SIRT1: variants seen among roughly 807,000 people sequenced by gnomAD.
The protein encoded by SIRT1 is sirtuin 1, also known as NAD-dependent protein deacetylase sirtuin-1.
Under a neutral mutation model 67.9 loss-of-function variants are expected in SIRT1, and 24 were observed. The ratio of observed to expected loss-of-function variants is 0.35; its 90% CI spans 0.26 to 0.50. SIRT1 has a LOEUF of 0.50. Among genes scored for constraint, SIRT1 ranks in the 20% least tolerant of loss-of-function variants. The pLI, the probability that SIRT1 is intolerant of heterozygous loss-of-function variation, is 0.98. For missense variants in SIRT1, 873 were observed against 937.2 expected (o/e 0.93, Z 0.89); for synonymous variants, 378 against 350.7 (o/e 1.08, Z -0.87).
intron 4 of SIRT1, among the ~76,000 whole-genome samples, chr10:67,893,412 C>T (rs962648095): frequency 6.6e-6 from 1 of 151,980 alleles, no homozygotes; most frequent in Admixed American, 6.6e-5. Context: ...GTTTTCTGTT[C>T]TTGTGTTAGT....
intron 4 of SIRT1, among the ~76,000 whole-genome samples, chr10:67,898,298 C>A (rs987017634): frequency 1.3e-5 from 2 of 150,636 alleles, no homozygotes; most frequent in Non-Finnish European, 3.0e-5. Flanking sequence ...AGAAAAGGGA[C>A]TATACTATGT....
Position 67,885,231 on chromosome 10 carries a change from G to T in SIRT1, c.430+80G>T, listed in dbSNP as rs908002575. ...CTCCTACTGGCCTGAGGTTGAGGGCGGCTGGGGGCTCGGGGCAGGCTCCGC... is the reference window on the plus strand; with the variant it reads ...CTCCTACTGGCCTGAGGTTGAGGGCTGCTGGGGGCTCGGGGCAGGCTCCGC... On this transcript the variant is annotated intron_variant, in intron 1 of 8. Transcript: ENST00000212015. 2.1e-4 allele frequency: 267 copies of T among 1,259,348 alleles called. 1 individual carries two copies. Among genetic ancestry groups the T allele is most frequent in the Non-Finnish European group, 2.5e-4 (253 of 996,310 alleles). The allele number at this position is 1,259,348 out of a possible 1,614,324, so 78.0% of individuals were successfully genotyped here.
intron 4 of SIRT1, among the ~76,000 whole-genome samples, chr10:67,897,755 C>G (rs1435472936): frequency 6.6e-6 from 1 of 151,768 alleles, no homozygotes; most frequent in Non-Finnish European, 1.5e-5. Flanking sequence ...ACCTTGGCCT[C>G]CTAAAGTTCT....
At chr10:67,887,348 C>T (rs1589066965) in intron 1 of SIRT1, 69 bp from the exon 2 acceptor site, 2 of 967,708 alleles carry the variant, frequency 2.1e-6, no homozygotes, top group East Asian at 4.9e-5. Flanking sequence ...AATGATTGCT[C>T]TATAACCGTT....
chr10:67,885,199 C>G (rs200393286), intron 1 of SIRT1, 48 bp downstream of exon 1: 12 of 1,294,612 alleles, frequency 9.3e-6, no homozygotes, highest in Non-Finnish European at 1.2e-5. Flanking sequence ...TCCTCCCTCT[C>G]CCCGGGCTCC....
intron 8 of SIRT1, among the ~76,000 whole-genome samples, chr10:67,914,602 A>C (rs2029868977): frequency 6.6e-6 from 1 of 152,210 alleles, no homozygotes; most frequent in East Asian, 1.9e-4. Flanking sequence ...CTATGCACTA[A>C]GACTTGCACT....
At chr10:67,891,883 T>G (rs1271646243) in intron 4 of SIRT1, among the ~76,000 whole-genome samples, 1 of 152,234 alleles carries the variant, frequency 6.6e-6, no homozygotes, top group Non-Finnish European at 1.5e-5. Flanking sequence ...TAATATTTTA[T>G]TAGAGATTGT....
chr10:67,891,668 C>A, intron 4 of SIRT1, 114 bp downstream of exon 4: 2 of 1,035,800 alleles, frequency 1.9e-6, no homozygotes, highest in Non-Finnish European at 2.8e-6. Context: ...AATGCTGCTA[C>A]TGTGGCGGAG....
At chr10:67,885,290 G>C (rs1842458509) in intron 1 of SIRT1, 139 bp downstream of exon 1, 7 of 1,242,378 alleles carry the variant, frequency 5.6e-6, no homozygotes, top group Non-Finnish European at 7.1e-6. Context: ...CCTCCGTTCA[G>C]CCGCGCTCCT....
chr10:67,884,933 C>T lies in SIRT1; in HGVS notation c.212C>T (p.Ala71Val), dbSNP rs907725955. 10 of 1,245,692 alleles carry T rather than the reference C, an allele frequency of 8.0e-6. No individual in the cohort carries two copies. The highest frequency in any genetic ancestry group is 3.2e-5 in the East Asian group (1 of 31,694). 77.2% of individuals were successfully genotyped at this position (1,245,692 alleles called of 1,614,324 possible). The change falls in exon 1 of 9, where the codon GCG becomes GTG. Residue 71 changes from alanine to valine, a missense_variant. Physicochemically the swap from Ala to Val is moderately conservative, Grantham distance 64. Around this residue, in one of 3 missense-constraint regions of SIRT1, gnomAD observed 327 missense variants for 283.9 expected, o/e 1.15. Coordinates refer to ENST00000212015, the MANE Select transcript of SIRT1 (RefSeq NM_012238.5). ...PAAARGCPGAAAAALWREAEA... is the reference protein window; with the variant it reads ...PAAARGCPGAVAAALWREAEA... ...GCGGCCAGGGGCTGCCCGGGTGCGG[C>T]GGCGGCGGCGCTGTGGCGGGAGGCG...
chr10:67,887,772 C>T (rs1268103792), intron 2 of SIRT1, among the ~76,000 whole-genome samples: 1 of 152,176 alleles, frequency 6.6e-6, no homozygotes, highest in Admixed American at 6.5e-5. Flanking sequence ...GACGGGGTTT[C>T]TCCATGTTGG....
chr10:67,903,428 A>T (rs1842773058), intron 4 of SIRT1, among the ~76,000 whole-genome samples: 3 of 150,890 alleles, frequency 2.0e-5, no homozygotes, highest in African/African-American at 7.3e-5. Context: ...TTTGTCACCC[A>T]GGCTGGAGTG....
intron 4 of SIRT1, among the ~76,000 whole-genome samples, chr10:67,900,190 A>G (rs1247327723): frequency 6.6e-6 from 1 of 151,782 alleles, no homozygotes; most frequent in Non-Finnish European, 1.5e-5. Flanking sequence ...CTGTCGCTCA[A>G]GTTGGAGTGC....
Position 67,884,908 on chromosome 10 carries a change from G to T in SIRT1, c.187G>T (p.Ala63Ser). ...GAAPEREVPA[A>S]ARGCPGAAAA... Reference sequence around the variant, plus strand: ...GGCCCCAGAGCGTGAGGTGCCGGCGGCGGCCAGGGGCTGCCCGGGTGCGGC... The same window carrying T: ...GGCCCCAGAGCGTGAGGTGCCGGCGTCGGCCAGGGGCTGCCCGGGTGCGGC... Residue 63 changes from alanine to serine, a missense_variant, in exon 1 of 9, where the codon GCG becomes TCG. Physicochemically the swap from Ala to Ser is moderately conservative, Grantham distance 99 (BLOSUM62 1). Around this residue, in one of 3 missense-constraint regions of SIRT1, gnomAD observed 327 missense variants for 283.9 expected, o/e 1.15. Transcript: ENST00000212015. The T allele has an allele frequency of 8.2e-7, 1 of 1,222,986 alleles. No homozygotes were observed. Among genetic ancestry groups the T allele is most frequent in the Non-Finnish European group, 1.0e-6 (1 of 982,634 alleles). The allele number at this position is 1,222,986 out of a possible 1,614,324, so 75.8% of individuals were successfully genotyped here. A position where few individuals can be genotyped will look rare whatever the true frequency, so the allele number is the denominator to read the frequency against.
chr10:67,894,437 T>G (rs952706024), intron 4 of SIRT1, among the ~76,000 whole-genome samples: 1 of 152,194 alleles, frequency 6.6e-6, no homozygotes, highest in Non-Finnish European at 1.5e-5. Context: ...CTCCTGCTAG[T>G]GGCACTACTG....
intron 4 of SIRT1, among the ~76,000 whole-genome samples, chr10:67,903,824 C>T (rs1842779627): frequency 6.6e-6 from 1 of 152,132 alleles, no homozygotes; most frequent in African/African-American, 2.4e-5. Context: ...CCTTTGATTC[C>T]AGTTCTGCTT....
intron 4 of SIRT1, among the ~76,000 whole-genome samples, chr10:67,905,656 C>T (rs902308334): frequency 1.3e-5 from 2 of 152,180 alleles, no homozygotes; most frequent in South Asian, 2.1e-4. Context: ...AAGTTCCCCA[C>T]ATCTGCTTAC....
intron 4 of SIRT1, among the ~76,000 whole-genome samples, chr10:67,893,620 A>G (rs1842607958): frequency 6.9e-6 from 1 of 145,968 alleles, no homozygotes; most frequent in East Asian, 2.0e-4. Context: ...TCTGCTCACC[A>G]TACAACCTCC....
In SIRT1 at chr10:67,913,142, T is replaced by C; in HGVS notation, c.1915+111T>C. ...TAGGGTAGCTTTATGTAGTTGATTCTGTTTAGAGAAACTGTACAGTTCGTA... is the reference window on the plus strand; with the variant it reads ...TAGGGTAGCTTTATGTAGTTGATTCCGTTTAGAGAAACTGTACAGTTCGTA... On this transcript the variant is annotated intron_variant, in intron 8 of 8. Transcript: ENST00000212015. 2.8e-6 allele frequency: 3 copies of C among 1,080,372 alleles called. No individual in the cohort carries two copies. In the South Asian group the frequency reaches 5.0e-5, roughly 18 times the overall value. The allele number at this position is 1,080,372 out of a possible 1,614,324, so 66.9% of individuals were successfully genotyped here.
Sources: gnomAD v4.1 joint callset for allele counts (sites outside exome capture counted in the v4.1 genomes callset) on GRCh38, gnomAD v4.1.1 for gene constraint, gnomAD v4.1.1 regional missense constraint, MANE v1.5 for transcripts, NCBI Gene and HGNC (gene_info 2026-07-23, HGNC 2026-07-21) for gene names.